Variants in NRG3 observed in about 807,000 individuals in gnomAD.
The protein encoded by NRG3 is neuregulin 3.
A neutral mutation model predicts 66.9 loss-of-function variants in NRG3; 31 were observed. The ratio of observed to expected loss-of-function variants is 0.46; its 90% confidence interval spans 0.35 to 0.63. The LOEUF is 0.63. Ranked by LOEUF, NRG3 falls within the 20% of genes least tolerant of loss-of-function variation. The probability of loss-of-function intolerance (pLI) is 0.00; values close to 1 mark genes in which losing one functional copy is unlikely to be tolerated. For missense variants in NRG3, 910 were observed against 878.9 expected (o/e 1.04, Z -0.45); for synonymous variants, 393 against 359.4 (o/e 1.09, Z -1.06).
chr10:82,711,620 A>G (rs1385905534), intron 2 of NRG3, among the ~76,000 whole-genome samples: 3 of 151,598 alleles, frequency 2.0e-5, no homozygotes, highest in Middle Eastern at 3.2e-3. Flanking sequence ...TGGTGGTCCT[A>G]TGATCCTTTG....
intron 2 of NRG3, among the ~76,000 whole-genome samples, chr10:82,656,898 G>A (rs754211089): frequency 3.4e-4 from 51 of 152,176 alleles, no homozygotes; most frequent in Middle Eastern, 3.4e-3. Flanking sequence ...GATCTGCCCT[G>A]CCCCCACCTT....
chr10:82,528,788 A>C, intron 2 of NRG3, among the ~76,000 whole-genome samples: 1 of 152,144 alleles, frequency 6.6e-6, no homozygotes, highest in East Asian at 1.9e-4. Context: ...AAAAAAAAGT[A>C]TTGCCAGTTG....
chr10:82,027,053 A>G lies in NRG3; in HGVS notation c.823+150890A>G, dbSNP rs1297448760. Among the ~76,000 whole-genome samples the G allele has an allele frequency of 3.9e-5, 6 of 152,110 alleles. No homozygotes were observed. The East Asian group carries it at 1.2e-3, about 29-fold the overall frequency. ...TTTTAAATAAGGTAGTTTTCACAAG[A>G]ATAAGTGAACAACATGAAACTTTTT... On this transcript the variant is annotated intron_variant, in intron 1 of 8. Transcript: ENST00000372141.
intron 2 of NRG3, among the ~76,000 whole-genome samples, chr10:82,511,672 G>T (rs545640662): frequency 1.3e-5 from 2 of 152,128 alleles, no homozygotes; most frequent in Non-Finnish European, 1.5e-5. Flanking sequence ...GGAGCCAGGG[G>T]ATTTTGTGAA....
intron 3 of NRG3, among the ~76,000 whole-genome samples, chr10:82,761,382 C>T (rs1323545325): frequency 6.6e-6 from 1 of 151,916 alleles, no homozygotes; most frequent in Non-Finnish European, 1.5e-5. Flanking sequence ...AAACAAGAAG[C>T]AAAAACAAAG....
chr10:82,801,427 A>T (rs2061032163), intron 3 of NRG3, among the ~76,000 whole-genome samples: 1 of 152,166 alleles, frequency 6.6e-6, no homozygotes, highest in Admixed American at 6.5e-5. Flanking sequence ...GTCTTCAAAA[A>T]ATGAGCTGAC....
chr10:81,911,374 A>G (rs1845128589), intron 1 of NRG3, among the ~76,000 whole-genome samples: 1 of 152,110 alleles, frequency 6.6e-6, no homozygotes, highest in Non-Finnish European at 1.5e-5. Context: ...ACCAAGAACC[A>G]GCCCTTCCCT....
At chr10:82,299,679 G>A (rs2080282135) in intron 1 of NRG3, among the ~76,000 whole-genome samples, 2 of 151,990 alleles carry the variant, frequency 1.3e-5, no homozygotes, top group South Asian at 4.1e-4. Context: ...GAGTTGAGTA[G>A]TTGTAACTGA....
intron 2 of NRG3, among the ~76,000 whole-genome samples, chr10:82,438,820 A>G (rs979683469): frequency 6.6e-6 from 1 of 152,080 alleles, no homozygotes; most frequent in African/African-American, 2.4e-5. Context: ...ACCACACCAC[A>G]CTGCTCTTCC....
chr10:82,867,557 C>T (rs1418278582), intron 4 of NRG3, among the ~76,000 whole-genome samples: 2 of 152,054 alleles, frequency 1.3e-5, no homozygotes, highest in African/African-American at 2.4e-5. Context: ...CGTTAGAAGC[C>T]AGGAGGACAG....
Position 82,620,182 on chromosome 10 carries a change from TTGTTA to T in NRG3, c.954-118388_954-118384del, listed in dbSNP as rs551959529. ...CTCTTAGCTCCACCGTCTGTGGACA[TTGTTA>T]TGTTATCAGCTCAGTGGGCCTCTTG... On this transcript the variant is annotated intron_variant, in intron 2 of 8. Transcript: ENST00000372141. Among the ~76,000 whole-genome samples the T allele has an allele frequency of 7.9e-5, 12 of 152,192 alleles. No homozygotes were observed. In the South Asian group the frequency reaches 2.5e-3, roughly 32 times the overall value.
At chr10:82,966,120 A>C (rs2132511827) in intron 6 of NRG3, among the ~76,000 whole-genome samples, 1 of 152,254 alleles carries the variant, frequency 6.6e-6, no homozygotes, top group South Asian at 2.1e-4. Flanking sequence ...CACAATTCTG[A>C]AACTAACAAA....
At chr10:82,720,150 G>C (rs2057209983) in intron 2 of NRG3, among the ~76,000 whole-genome samples, 1 of 152,160 alleles carries the variant, frequency 6.6e-6, no homozygotes, top group Non-Finnish European at 1.5e-5. Context: ...AGCACTTCGG[G>C]AGGCCGAGGT....
At chr10:82,714,960 A>G (rs148203189) in intron 2 of NRG3, among the ~76,000 whole-genome samples, 1,645 of 152,322 alleles carry the variant, frequency 0.011, 30 homozygotes, top group African/African-American at 0.038. Context: ...TCCTTTTACT[A>G]CAAATGCTTA....
At chr10:81,992,243 A>G (rs986823886) in intron 1 of NRG3, among the ~76,000 whole-genome samples, 1 of 152,090 alleles carries the variant, frequency 6.6e-6, no homozygotes, top group African/African-American at 2.4e-5. Flanking sequence ...GAACTCACTA[A>G]AGGATTATAT....
At chr10:82,211,566 C>T (rs999187411) in intron 1 of NRG3, among the ~76,000 whole-genome samples, 10 of 152,136 alleles carry the variant, frequency 6.6e-5, no homozygotes, top group Non-Finnish European at 1.2e-4. Context: ...CAGATAGCCA[C>T]GCCAGTCTCC....
At chr10:82,215,963 C>CTTTTTTTTTTTTTTT (rs71894841) in intron 1 of NRG3, among the ~76,000 whole-genome samples, 1 of 89,722 alleles carries the variant, frequency 1.1e-5, no homozygotes, top group East Asian at 4.7e-4. Flanking sequence ...TTATGTTTTC[C>CTTTTTTTTTTTTTTT]TTTTTTTTTT....
intron 2 of NRG3, among the ~76,000 whole-genome samples, chr10:82,541,676 G>A (rs2132759978): frequency 6.6e-6 from 1 of 152,280 alleles, no homozygotes; most frequent in African/African-American, 2.4e-5. Context: ...CGGGCTGTCT[G>A]CCTGTGGATT....
intron 2 of NRG3, among the ~76,000 whole-genome samples, chr10:82,430,251 GT>G (rs925527355): frequency 6.6e-6 from 1 of 151,518 alleles, no homozygotes; most frequent in Admixed American, 6.6e-5. Context: ...TTGAGTACCA[GT>G]TTTTTTGTTT....
Sources: gnomAD v4.1 joint callset for allele counts (sites outside exome capture counted in the v4.1 genomes callset) on GRCh38, gnomAD v4.1.1 for gene constraint, MANE v1.5 for transcripts, NCBI Gene and HGNC (gene_info 2026-07-23, HGNC 2026-07-21) for gene names.